Variants in ZBTB16 observed in about 807,000 individuals in gnomAD.
ZBTB16 encodes the protein zinc finger and BTB domain-containing protein 16.
In ZBTB16, 8 loss-of-function variants were observed where a neutral mutation model predicts 56.8. The ratio of observed to expected loss-of-function variants is 0.14; its 90% CI spans 0.08 to 0.25. The LOEUF (loss-of-function observed/expected upper bound fraction) is 0.25, where lower values mean the gene tolerates loss of function less well. Among genes scored for constraint, ZBTB16 ranks in the 10% least tolerant of loss-of-function variants. ZBTB16 has a pLI of 1.00. For missense variants in ZBTB16, 625 were observed against 903.0 expected, an observed-to-expected ratio of 0.69 and a Z score of 3.95; for synonymous variants, 363 against 368.5, an observed-to-expected ratio of 0.98 and a Z score of 0.17.
rs986836286 is a variant in ZBTB16, at chr11:114,256,489, G to A, written c.*5934G>A. 6.6e-6 allele frequency among the ~76,000 whole-genome samples: 1 copy of A among 152,152 alleles called. No individual in the cohort carries two copies. Among genetic ancestry groups the A allele is most frequent in the Non-Finnish European group, 1.5e-5 (1 of 68,034 alleles). ...ATCCACCTCTCCTGATACCAGGCCA[G>A]GTTCCTTTACTCCAGAGTTCTCAAA... is the stretch of plus-strand genomic sequence containing the variant. On this transcript the variant is annotated 3_prime_UTR_variant, in exon 7 of 7. Transcript: ENST00000335953.
intron 2 of ZBTB16, among the ~76,000 whole-genome samples, chr11:114,115,785 G>T (rs1184775351): frequency 2.6e-5 from 4 of 152,280 alleles, no homozygotes; most frequent in Admixed American, 1.3e-4. Context: ...CCGCTAATTT[G>T]TCTTTCCCAG....
chr11:114,124,675 C>T (rs985244303), intron 2 of ZBTB16, among the ~76,000 whole-genome samples: 6 of 152,162 alleles, frequency 3.9e-5, no homozygotes, highest in South Asian at 2.1e-4. Context: ...ATCTCTTGGC[C>T]ATATCCCTGA....
At chr11:114,085,384 T>C (rs1939922721) in intron 2 of ZBTB16, among the ~76,000 whole-genome samples, 1 of 152,194 alleles carries the variant, frequency 6.6e-6, no homozygotes, top group African/African-American at 2.4e-5. Context: ...AAGCATTTAC[T>C]GAGCATCACT....
chr11:114,242,437 T>C (rs2135200312), intron 5 of ZBTB16, 100 bp downstream of exon 5: 12 of 1,502,606 alleles, frequency 8.0e-6, no homozygotes, highest in Non-Finnish European at 1.1e-5. Flanking sequence ...TGAGTCAGCC[T>C]TCAGTCCTTC....
Position 114,143,592 on chromosome 11 carries a change from A to G in ZBTB16, c.1269-12745A>G, listed in dbSNP as rs145405853. 1.1e-4 allele frequency among the ~76,000 whole-genome samples: 16 copies of G among 152,286 alleles called. No individual in the cohort carries two copies. The highest frequency in any genetic ancestry group is 6.8e-3 in the Middle Eastern group (2 of 294). On this transcript the variant is annotated intron_variant, in intron 2 of 6. Coordinates refer to ENST00000335953, the MANE Select transcript of ZBTB16 (RefSeq NM_006006.6). The surrounding 1 kb of genome is among the most constrained non-coding windows in gnomAD (Gnocchi z 6.4). The stretch of plus-strand genomic sequence containing the variant: ...TACGCTAGTGACAGGTCCTCCCTCC[A>G]TCCCAGATGTGTGATGTTGTGGTCA...
At chr11:114,119,147 C>T (rs1049515860) in intron 2 of ZBTB16, among the ~76,000 whole-genome samples, 1 of 151,018 alleles carries the variant, frequency 6.6e-6, no homozygotes, top group Non-Finnish European at 1.5e-5. Context: ...GTGCCTTAGT[C>T]CCAGATACCT....
Position 114,099,712 on chromosome 11 carries a change from A to G in ZBTB16, c.1268+35144A>G, listed in dbSNP as rs1940541172. Among the ~76,000 whole-genome samples, 5 of 152,332 alleles carry G rather than the reference A, an allele frequency of 3.3e-5. No homozygotes were observed. The South Asian group carries it at 1.0e-3, about 32-fold the overall frequency. On this transcript the variant is annotated intron_variant, in intron 2 of 6. Transcript: ENST00000335953. ...TCAGCCTTGGAGGGAGAAGGGAGAC[A>G]GGCTAGGTCTTCTTCACGTGGCCTT...
At chr11:114,159,232 G>T (rs1942509526) in intron 3 of ZBTB16, among the ~76,000 whole-genome samples, 3 of 152,252 alleles carry the variant, frequency 2.0e-5, no homozygotes, top group Admixed American at 2.0e-4. Flanking sequence ...GCTGCTTCCA[G>T]GTCCCCTGAT....
chr11:114,139,805 C>T (rs113708753), intron 2 of ZBTB16, among the ~76,000 whole-genome samples: 2 of 152,286 alleles, frequency 1.3e-5, no homozygotes, highest in African/African-American at 2.4e-5. Context: ...CTGATATTCA[C>T]GCAAAGAATC....
At chr11:114,123,772 T>G (rs557971195) in intron 2 of ZBTB16, among the ~76,000 whole-genome samples, 7 of 152,128 alleles carry the variant, frequency 4.6e-5, no homozygotes, top group Non-Finnish European at 1.0e-4. Context: ...ATTAAGTCAC[T>G]CTTCTTGACA....
At chr11:114,179,631 C>T (rs182202839) in intron 3 of ZBTB16, among the ~76,000 whole-genome samples, 9 of 152,200 alleles carry the variant, frequency 5.9e-5, no homozygotes, top group Admixed American at 5.2e-4. Flanking sequence ...TGCTGGCAAA[C>T]ATTAGGTGTT....
At chr11:114,123,862 A>T (rs1941413852) in intron 2 of ZBTB16, among the ~76,000 whole-genome samples, 1 of 152,152 alleles carries the variant, frequency 6.6e-6, no homozygotes, top group African/African-American at 2.4e-5. Flanking sequence ...GGCTAAATGG[A>T]TATACGGGCG....
Position 114,063,994 on chromosome 11 carries a change from G to C in ZBTB16, c.694G>C (p.Gly232Arg). Reference sequence around the variant, plus strand: ...GCCCGAGGAGCCAACTCTGGCTGGGGGTGGGCGGCACCCTGGGGTGGCTGA... The same window carrying C: ...GCCCGAGGAGCCAACTCTGGCTGGGCGTGGGCGGCACCCTGGGGTGGCTGA... The part of the protein sequence containing the change: ...AGPEEPTLAG[G>R]GRHPGVAEVK... The change falls in exon 2 of 7, where the codon GGT (glycine) becomes CGT (arginine). Residue 232 changes from glycine to arginine, a missense_variant. By Grantham distance (125) the Gly-to-Arg change is moderately radical. Around this residue, in one of 6 missense-constraint regions of ZBTB16, gnomAD observed 384 missense variants for 393.5 expected, o/e 0.98. Transcript: ENST00000335953. This position sits in a 1 kb window ranked among gnomAD's most constrained non-coding sequence, Gnocchi z 6.5. The C allele has an allele frequency of 6.2e-7, 1 of 1,613,558 alleles. No individual in the cohort carries two copies. The highest frequency in any genetic ancestry group is 8.5e-7 in the Non-Finnish European group (1 of 1,179,842).
rs1395856451 is a variant in ZBTB16, at chr11:114,235,764, CCTTCGT to C, written c.1454-6402_1454-6397del. Among the ~76,000 whole-genome samples, 211 of 141,480 alleles carry C rather than the reference CCTTCGT, an allele frequency of 1.5e-3. 2 individuals are homozygous for C. The highest frequency in any genetic ancestry group is 5.7e-3 in the African/African-American group (208 of 36,802). 92.8% of individuals were successfully genotyped at this position (141,480 alleles called of 152,430 possible). On this transcript the variant is annotated intron_variant, in intron 4 of 6. Coordinates refer to ENST00000335953, the MANE Select transcript of ZBTB16 (RefSeq NM_006006.6). ...CTTTTCTTTCCTTCCTTCCTTCCTT[CCTTCGT>C]TCCTTCCTTCCTTCCTTCTCCTTTT...
rs1944915936 is a variant in ZBTB16 at position 114,251,472 on chromosome 11, C to T, written c.*917C>T. Among the ~76,000 whole-genome samples, 2 of 152,184 alleles carry T rather than the reference C, an allele frequency of 1.3e-5. No individual in the cohort carries two copies. The highest frequency in any genetic ancestry group is 4.1e-4 in the South Asian group (2 of 4,824). ...ATACCTAATATCCTACCAAACAAAC[C>T]ACAGTCCCTACGTAGCCCTACTTCA... On this transcript the variant is annotated 3_prime_UTR_variant, in exon 7 of 7. Transcript: ENST00000335953.
In ZBTB16 at chr11:114,089,229, G is replaced by A. The variant is rs115211298; in HGVS notation, c.1268+24661G>A. 3.2e-3 allele frequency among the ~76,000 whole-genome samples: 485 copies of A among 152,304 alleles called. 3 individuals carry two copies. Among genetic ancestry groups the A allele is most frequent in the African/African-American group, 0.011 (451 of 41,552 alleles). On this transcript the variant is annotated intron_variant, in intron 2 of 6. Coordinates refer to ENST00000335953, the MANE Select transcript of ZBTB16 (RefSeq NM_006006.6). ...TGTCCTGTGAAGGGTAGATCCTGGA[G>A]GGACAGACAGGTGTCTGATCTTTGG...
Position 114,111,002 on chromosome 11 carries a change from A to G in ZBTB16, c.1269-45335A>G, listed in dbSNP as rs238915. Reference sequence around the variant, plus strand: ...AGAATTTGCATGGAACCTGTTGTGCATGTTGGGGGGAAAACTATTCATAAA... The same window carrying G: ...AGAATTTGCATGGAACCTGTTGTGCGTGTTGGGGGGAAAACTATTCATAAA... On this transcript the variant is annotated intron_variant, in intron 2 of 6. Coordinates refer to ENST00000335953, the MANE Select transcript of ZBTB16 (RefSeq NM_006006.6). 8.9e-3 allele frequency among the ~76,000 whole-genome samples: 1,356 copies of G among 152,336 alleles called. 25 individuals are homozygous for G. The highest frequency in any genetic ancestry group is 0.03 in the African/African-American group (1,267 of 41,570).
chr11:114,101,820 T>C (rs1432512341), intron 2 of ZBTB16, among the ~76,000 whole-genome samples: 1 of 152,270 alleles, frequency 6.6e-6, no homozygotes, highest in Non-Finnish European at 1.5e-5. Context: ...CTTGCATTTT[T>C]CATGTCATTG....
At chr11:114,233,759 TC>T (rs1944505325) in intron 4 of ZBTB16, among the ~76,000 whole-genome samples, 1 of 152,044 alleles carries the variant, frequency 6.6e-6, no homozygotes, top group Non-Finnish European at 1.5e-5. Flanking sequence ...TCTCAATAAA[TC>T]CCCCATGTCC....
Sources: allele counts gnomAD v4.1 joint callset (sites outside exome capture counted in the v4.1 genomes callset), GRCh38; gene constraint gnomAD v4.1.1; regional missense constraint gnomAD v4.1.1; non-coding constraint Gnocchi (gnomAD v3.1); transcripts MANE v1.5; gene names NCBI Gene and HGNC (gene_info 2026-07-23, HGNC 2026-07-21).